SLC9C1: variants seen among roughly 807,000 people sequenced by gnomAD.
The protein encoded by SLC9C1 is sodium/hydrogen exchanger 10.
A neutral mutation model predicts 140.9 loss-of-function variants in SLC9C1; 97 were observed. The observed-to-expected ratio is 0.69, with a 90% CI of 0.58 to 0.82. The LOEUF (loss-of-function observed/expected upper bound fraction) is 0.82. Ranked by LOEUF, SLC9C1 falls within the 40% of genes least tolerant of loss-of-function variation. SLC9C1 has a pLI of 0.00. For missense variants in SLC9C1, 1,340 were observed against 1,389.3 expected (o/e 0.96, Z 0.56); for synonymous variants, 440 against 442.6 (o/e 0.99, Z 0.07).
At chr3:112,182,053 A>G (rs927349721) in intron 21 of SLC9C1, 80 bp downstream of exon 21, 160 of 1,046,826 alleles carry the variant, frequency 1.5e-4, no homozygotes, top group African/African-American at 7.6e-4. Context: ...TAAACTAGAG[A>G]GTATCATGGT....
chr3:112,145,316 C>T (rs974460632), intron 28 of SLC9C1, among the ~76,000 whole-genome samples: 21 of 151,162 alleles, frequency 1.4e-4, no homozygotes, highest in Non-Finnish European at 2.4e-4. Context: ...CCTACTTGAT[C>T]GTGGTATATT....
chr3:112,212,597 A>C (rs949098860), intron 15 of SLC9C1, among the ~76,000 whole-genome samples: 4 of 152,240 alleles, frequency 2.6e-5, no homozygotes, highest in Admixed American at 6.5e-5. Context: ...ACTGGAAGAA[A>C]GGGTATCAGT....
chr3:112,234,347 C>G (rs138327145), intron 12 of SLC9C1, among the ~76,000 whole-genome samples: 89,931 of 151,952 alleles, frequency 0.59, 27,125 homozygotes, highest in East Asian at 0.79. Flanking sequence ...TTGTAAATCT[C>G]TTTGAGTTCA....
intron 12 of SLC9C1, among the ~76,000 whole-genome samples, chr3:112,234,552 C>A (rs946991721): frequency 5.9e-5 from 9 of 152,096 alleles, no homozygotes; most frequent in African/African-American, 1.7e-4. Context: ...AGTCCTTGCC[C>A]ATGCCTATGT....
intron 20 of SLC9C1, among the ~76,000 whole-genome samples, chr3:112,198,520 G>A (rs2077822902): frequency 1.3e-5 from 2 of 151,706 alleles, no homozygotes; most frequent in Admixed American, 1.3e-4. Context: ...TGCTCTTAAT[G>A]TTTTGCTATC....
At chr3:112,207,870 A>G (rs953295270) in intron 16 of SLC9C1, among the ~76,000 whole-genome samples, 1 of 152,100 alleles carries the variant, frequency 6.6e-6, no homozygotes, top group Non-Finnish European at 1.5e-5. Flanking sequence ...AATAAAATGA[A>G]CCTTCAAGTA....
chr3:112,276,537 A>G (rs538794393), intron 5 of SLC9C1, among the ~76,000 whole-genome samples: 1 of 152,094 alleles, frequency 6.6e-6, no homozygotes, highest in Non-Finnish European at 1.5e-5. Flanking sequence ...GGGAGGAGAG[A>G]AACAAAATTC....
chr3:112,235,681 G>T (rs1414497339), intron 12 of SLC9C1, among the ~76,000 whole-genome samples: 3 of 152,144 alleles, frequency 2.0e-5, no homozygotes, highest in African/African-American at 7.2e-5. Flanking sequence ...AGCATGAAGG[G>T]CTGTTGCATT....
chr3:112,150,831 TATATATATA>T (rs2074948554), intron 28 of SLC9C1, among the ~76,000 whole-genome samples: 5 of 35,994 alleles, frequency 1.4e-4, no homozygotes, highest in South Asian at 2.7e-3. Flanking sequence ...CATATATATA[TATATATATA>T]TTTTTTTTTT....
chr3:112,170,726 G>A (rs1011666027), intron 23 of SLC9C1, among the ~76,000 whole-genome samples: 7 of 152,174 alleles, frequency 4.6e-5, no homozygotes, highest in African/African-American at 1.7e-4. Context: ...AAACTTCTAT[G>A]AATAGTCAAA....
chr3:112,244,911 G>A (rs940539557), intron 10 of SLC9C1, among the ~76,000 whole-genome samples: 3 of 152,142 alleles, frequency 2.0e-5, no homozygotes, highest in African/African-American at 7.2e-5. Context: ...CGTCAAGGGT[G>A]CAGCCCAAGC....
At chr3:112,221,883 T>C (rs1277641861) in intron 13 of SLC9C1, among the ~76,000 whole-genome samples, 1 of 152,160 alleles carries the variant, frequency 6.6e-6, no homozygotes, top group Non-Finnish European at 1.5e-5. Flanking sequence ...CTGAACACTA[T>C]TCAGAAACTA....
intron 9 of SLC9C1, 82 bp downstream of exon 9, chr3:112,264,118 C>T (rs6788163): frequency 0.047 from 31,340 of 663,106 alleles, 916 homozygotes; most frequent in Non-Finnish European, 0.054. Flanking sequence ...ATCTAAGGTA[C>T]GAAATCTTTG....
intron 28 of SLC9C1, among the ~76,000 whole-genome samples, chr3:112,143,082 TGTA>T (rs2074679380): frequency 6.6e-6 from 1 of 152,204 alleles, no homozygotes; most frequent in South Asian, 2.1e-4. Context: ...TTTTTATGGC[TGTA>T]TAGTATTTCA....
chr3:112,178,143 T>A (rs1406364605), intron 23 of SLC9C1, among the ~76,000 whole-genome samples: 2 of 151,910 alleles, frequency 1.3e-5, no homozygotes, highest in South Asian at 4.2e-4. Flanking sequence ...ACATATTTTT[T>A]TTTTTTTGTA....
chr3:112,231,349 A>G lies in SLC9C1; in HGVS notation c.1572+12T>C, dbSNP rs1371525092. 13 of 1,611,710 alleles carry G rather than the reference A, an allele frequency of 8.1e-6. No homozygotes were observed. The highest frequency in any genetic ancestry group is 1.1e-5 in the Non-Finnish European group (13 of 1,179,180). On this transcript the variant is annotated intron_variant, in intron 13 of 28. Transcript: ENST00000305815. Reference sequence around the variant, plus strand: ...TGGCCAAACATAATTTCAAAAGAGAATAATACAGTACTATTTGTGCTGACA... The same window carrying G: ...TGGCCAAACATAATTTCAAAAGAGAGTAATACAGTACTATTTGTGCTGACA...
chr3:112,174,571 G>C (rs536615673), intron 23 of SLC9C1, among the ~76,000 whole-genome samples: 2 of 152,178 alleles, frequency 1.3e-5, no homozygotes, highest in African/African-American at 4.8e-5. Flanking sequence ...GTGAGTATGC[G>C]CAGTTGTGGA....
intron 12 of SLC9C1, among the ~76,000 whole-genome samples, chr3:112,233,806 G>T (rs1442882122): frequency 6.6e-6 from 1 of 152,022 alleles, no homozygotes; most frequent in Non-Finnish European, 1.5e-5. Flanking sequence ...CAAAGGACAT[G>T]AACTCATCAT....
intron 6 of SLC9C1, 148 bp from the exon 7 acceptor site, chr3:112,270,225 A>T: frequency 1.4e-6 from 1 of 715,426 alleles, no homozygotes; most frequent in Non-Finnish European, 2.1e-6. Context: ...TCCCTGGGAC[A>T]TATTGATTTC....
Sources: gnomAD v4.1 joint callset for allele counts (sites outside exome capture counted in the v4.1 genomes callset) on GRCh38, gnomAD v4.1.1 for gene constraint, MANE v1.5 for transcripts, NCBI Gene and HGNC (gene_info 2026-07-23, HGNC 2026-07-21) for gene names.